PCSK5: variants seen among roughly 807,000 people sequenced by gnomAD.
PCSK5 encodes the protein proprotein convertase subtilisin/kexin type 5.
Under a neutral mutation model 233.2 loss-of-function variants are expected in PCSK5, and 129 were observed. The observed-to-expected ratio is 0.55, with a 90% CI of 0.48 to 0.64. The LOEUF is 0.64. PCSK5 is among the 30% of genes least tolerant of loss of function. PCSK5 has a pLI of 0.00. For synonymous variants in PCSK5, 825 were observed against 879.2 expected, an observed-to-expected ratio of 0.94 and a Z score of 1.09; for missense variants, 2,076 against 2,430.1, an observed-to-expected ratio of 0.85 and a Z score of 3.06.
intron 2 of PCSK5, among the ~76,000 whole-genome samples, chr9:75,961,605 G>A (rs1019566585): frequency 1.3e-5 from 2 of 152,034 alleles, no homozygotes; most frequent in Non-Finnish European, 2.9e-5. Context: ...ATATGATTTG[G>A]GTATATGAAC....
At chr9:75,917,032 G>A (rs1160595813) in intron 1 of PCSK5, among the ~76,000 whole-genome samples, 1 of 152,074 alleles carries the variant, frequency 6.6e-6, no homozygotes, top group East Asian at 1.9e-4. Flanking sequence ...AGCTGGGCAT[G>A]GTGGCACGTG....
chr9:76,358,733 G>A lies in PCSK5; in HGVS notation c.5475G>A (p.Glu1825=), dbSNP rs765527211. ...CCTCCTATAAGAGCAGCTATAGAGA[G>A]AGCACCAGCTTTGAAGAGGATCAGG... is the stretch of plus-strand genomic sequence containing the variant. ...SYSSYKSSYR[E]STSFEEDQVI... is the part of the protein sequence containing the mutation. The change falls in exon 38 of 38, where the codon GAG becomes GAA. Residue 1825 remains glutamate, a synonymous_variant. Transcript: ENST00000674117. 1 of 1,612,888 alleles carries A rather than the reference G, an allele frequency of 6.2e-7. No individual in the cohort carries two copies. The highest frequency in any genetic ancestry group is 2.2e-5 in the East Asian group (1 of 44,892).
chr9:76,234,749 C>T (rs1481289023), intron 22 of PCSK5, among the ~76,000 whole-genome samples: 4 of 152,142 alleles, frequency 2.6e-5, no homozygotes, highest in African/African-American at 9.7e-5. Context: ...GCATTTAGAA[C>T]AGGGCTAGCC....
chr9:76,281,251 G>A (rs1473363336), intron 24 of PCSK5, among the ~76,000 whole-genome samples: 1 of 151,246 alleles, frequency 6.6e-6, no homozygotes, highest in African/African-American at 2.5e-5. Context: ...CATAGCTAGA[G>A]AGGAGAAGTC....
At chr9:75,958,403 C>T (rs955545714) in intron 2 of PCSK5, among the ~76,000 whole-genome samples, 5 of 152,090 alleles carry the variant, frequency 3.3e-5, no homozygotes, top group East Asian at 3.9e-4. Flanking sequence ...CTGTTTTACT[C>T]GGTATGCTTA....
chr9:76,354,145 G>A lies in PCSK5; in HGVS notation c.5180G>A (p.Ser1727Asn), dbSNP rs1170406760. The A allele has an allele frequency of 6.3e-7, 1 of 1,596,098 alleles. No individual in the cohort carries two copies. The highest frequency in any genetic ancestry group is 1.1e-5 in the South Asian group (1 of 87,938). The part of the protein sequence containing the change: ...PANLVLHMDD[S>N]HCLHCCNTSD... The stretch of plus-strand genomic sequence containing the variant: ...AACCTGGTGCTGCACATGGACGACA[G>A]CCACTGCCTCCACTGCTGCAACACC... The change falls in exon 37 of 38, where the codon AGC (serine) becomes AAC (asparagine). Residue 1727 changes from serine (S) to asparagine (N), a missense_variant. By Grantham distance (46) the Ser-to-Asn change is conservative. This residue lies in a region of PCSK5 where 1,510 missense variants were observed against 1,538.1 expected (regional missense o/e 0.98). Transcript: ENST00000674117.
intron 3 of PCSK5, among the ~76,000 whole-genome samples, chr9:75,993,652 G>T (rs572651955): frequency 1.3e-5 from 2 of 152,196 alleles, no homozygotes; most frequent in Admixed American, 6.5e-5. Context: ...GACTCATCAT[G>T]TAGTCATTCT....
Position 76,361,516 on chromosome 9 carries a change from C to T in PCSK5, c.*2594C>T, listed in dbSNP as rs1015938792. On this transcript the variant is annotated 3_prime_UTR_variant, in exon 38 of 38. Coordinates refer to ENST00000674117, the MANE Select transcript of PCSK5 (RefSeq NM_001372043.1). ...GGAGTTCGACATCAGCCTTGGACAA[C>T]ATAGTGAGACTCCCGTGTCTACAAA... 3 of 151,988 alleles carry T rather than the reference C, an allele frequency of 2.0e-5. No individual in the cohort carries two copies. Among genetic ancestry groups the T allele is most frequent in the Non-Finnish European group, 4.4e-5 (3 of 68,034 alleles). The allele number at this position is 151,988 out of a possible 1,614,324, so 9.4% of individuals were successfully genotyped here. A position where few individuals can be genotyped will look rare whatever the true frequency, so the allele number is the denominator to read the frequency against.
intron 20 of PCSK5, among the ~76,000 whole-genome samples, chr9:76,225,043 G>T (rs1159829002): frequency 6.6e-6 from 1 of 152,176 alleles, no homozygotes; most frequent in East Asian, 1.9e-4. Context: ...AATATGAGGA[G>T]TTCTGCCCAT....
intron 2 of PCSK5, among the ~76,000 whole-genome samples, chr9:75,983,197 C>G (rs1453291854): frequency 2.6e-5 from 4 of 152,140 alleles, no homozygotes; most frequent in African/African-American, 9.7e-5. Flanking sequence ...GGCTGATTCC[C>G]TATCACTGCA....
intron 10 of PCSK5, among the ~76,000 whole-genome samples, chr9:76,148,429 C>T (rs1823540604): frequency 6.6e-6 from 1 of 151,322 alleles, no homozygotes; most frequent in South Asian, 2.1e-4. Context: ...CACATATCTG[C>T]CTTCTTTTCA....
intron 2 of PCSK5, among the ~76,000 whole-genome samples, chr9:75,968,185 T>G (rs563921296): frequency 6.6e-6 from 1 of 151,406 alleles, no homozygotes; most frequent in South Asian, 2.1e-4. Flanking sequence ...GCCTGGCACC[T>G]GATTGTGCTG....
At chr9:75,898,545 T>C (rs1825901679) in intron 1 of PCSK5, among the ~76,000 whole-genome samples, 1 of 151,998 alleles carries the variant, frequency 6.6e-6, no homozygotes, top group Admixed American at 6.6e-5. Context: ...GGGTCACATG[T>C]CCTCCCTCAA....
intron 5 of PCSK5, among the ~76,000 whole-genome samples, chr9:76,048,915 G>A (rs575658068): frequency 1.3e-5 from 2 of 152,228 alleles, no homozygotes; most frequent in East Asian, 1.9e-4. Flanking sequence ...AAATCATAGC[G>A]AGTGGAGGTA....
intron 3 of PCSK5, among the ~76,000 whole-genome samples, chr9:75,989,887 G>A (rs116288564): frequency 0.015 from 2,330 of 152,086 alleles, 48 homozygotes; most frequent in African/African-American, 0.046. Context: ...TGTGGGTGGC[G>A]TACTAGGAGG....
At chr9:76,354,769 G>A (rs1351432209) in intron 37 of PCSK5, among the ~76,000 whole-genome samples, 1 of 151,998 alleles carries the variant, frequency 6.6e-6, no homozygotes, top group Non-Finnish European at 1.5e-5. Context: ...AGAGCAAGAT[G>A]CTGTCTAAAT....
chr9:76,043,289 T>C (rs1328032398), intron 5 of PCSK5, among the ~76,000 whole-genome samples: 3 of 143,176 alleles, frequency 2.1e-5, no homozygotes, highest in Non-Finnish European at 3.0e-5. Context: ...TGAGCCGAGA[T>C]TGCACCACTG....
intron 3 of PCSK5, among the ~76,000 whole-genome samples, chr9:75,987,356 A>G (rs1183100882): frequency 1.3e-5 from 2 of 152,122 alleles, no homozygotes; most frequent in Admixed American, 6.5e-5. Context: ...CATGGCATCC[A>G]TCATGGCACT....
intron 1 of PCSK5, among the ~76,000 whole-genome samples, chr9:75,914,508 C>A (rs1188261844): frequency 6.6e-6 from 1 of 151,912 alleles, no homozygotes; most frequent in East Asian, 1.9e-4. Context: ...ACCTAAAACC[C>A]AATGACCATT....
Sources: allele counts gnomAD v4.1 joint callset (sites outside exome capture counted in the v4.1 genomes callset), GRCh38; gene constraint gnomAD v4.1.1; regional missense constraint gnomAD v4.1.1; transcripts MANE v1.5; gene names NCBI Gene and HGNC (gene_info 2026-07-23, HGNC 2026-07-21).